Variants in IPCEF1 observed in about 807,000 individuals in gnomAD.
IPCEF1 encodes interaction protein for cytohesin exchange factors 1.
Under a neutral mutation model 50.9 loss-of-function variants are expected in IPCEF1, and 31 were observed. The ratio of observed to expected loss-of-function variants is 0.61; its 90% CI spans 0.46 to 0.82. The LOEUF is 0.82. IPCEF1 is among the 40% of genes least tolerant of loss of function. The probability of loss-of-function intolerance (pLI) is 0.00; values close to 1 mark genes in which losing one functional copy is unlikely to be tolerated. For missense variants in IPCEF1, 458 were observed against 514.0 expected, an observed-to-expected ratio of 0.89 and a Z score of 1.05; for synonymous variants, 181 against 192.0, an observed-to-expected ratio of 0.94 and a Z score of 0.47.
chr6:154,343,665 C>T (rs1489206235), intron 1 of IPCEF1, among the ~76,000 whole-genome samples: 2 of 152,164 alleles, frequency 1.3e-5, no homozygotes, highest in Non-Finnish European at 2.9e-5. Context: ...TCACATTGAC[C>T]CAGGTGTGCT....
chr6:154,231,364 A>G (rs1779702796), intron 5 of IPCEF1, among the ~76,000 whole-genome samples: 1 of 152,260 alleles, frequency 6.6e-6, no homozygotes, highest in African/African-American at 2.4e-5. Context: ...GCAAAAATGC[A>G]CTTGCCCATT....
At chr6:154,355,784 C>G (rs574532675) in intron 1 of IPCEF1, among the ~76,000 whole-genome samples, 1 of 151,810 alleles carries the variant, frequency 6.6e-6, no homozygotes, top group African/African-American at 2.4e-5. Context: ...CCACCGCACC[C>G]GGCATTCTAT....
intron 5 of IPCEF1, among the ~76,000 whole-genome samples, chr6:154,229,345 G>C (rs897239917): frequency 2.2e-5 from 3 of 135,076 alleles, no homozygotes; most frequent in Non-Finnish European, 3.1e-5. Flanking sequence ...AAAGTTTGCC[G>C]GTTTTTTTTT....
intron 3 of IPCEF1, among the ~76,000 whole-genome samples, chr6:154,264,959 T>C (rs977952880): frequency 1.3e-5 from 2 of 152,194 alleles, no homozygotes; most frequent in African/African-American, 4.8e-5. Flanking sequence ...CATTCCAGAT[T>C]TGGCAGGAAG....
intron 5 of IPCEF1, among the ~76,000 whole-genome samples, chr6:154,244,284 CGGTGTGTGTGTG>C (rs1780839447): frequency 8.3e-6 from 1 of 120,420 alleles, no homozygotes; most frequent in South Asian, 2.7e-4. Flanking sequence ...AATTAAGATT[CGGTGTGTGTGTG>C]GGTGGGTGTG....
rs187684807 is a variant in IPCEF1, at chr6:154,168,766, C to T, written c.911-653G>A. ...GATTACAGGCACCTGCCACCATGCC[C>T]GGCTCATTTTTATATTTTTAGTACA... On this transcript the variant is annotated intron_variant, in intron 10 of 11. Transcript: ENST00000367220. This position sits in a 1 kb window ranked among gnomAD's most constrained non-coding sequence, Gnocchi z 4.1. 8.6e-5 allele frequency among the ~76,000 whole-genome samples: 13 copies of T among 151,944 alleles called. No homozygotes were observed. Among genetic ancestry groups the T allele is most frequent in the East Asian group, 7.8e-4 (4 of 5,122 alleles).
At chr6:154,256,557 C>G (rs1162700617) in intron 3 of IPCEF1, among the ~76,000 whole-genome samples, 1 of 136,930 alleles carries the variant, frequency 7.3e-6, no homozygotes, top group Non-Finnish European at 1.6e-5. Flanking sequence ...CTCTCTCTCT[C>G]TCTCTCTGTG....
chr6:154,238,068 C>A (rs1042496485), intron 5 of IPCEF1, among the ~76,000 whole-genome samples: 2 of 152,082 alleles, frequency 1.3e-5, no homozygotes, highest in African/African-American at 4.8e-5. Flanking sequence ...TTACAGCCAT[C>A]AGAAATGATG....
At chr6:154,257,220 A>G (rs1781482843) in intron 3 of IPCEF1, among the ~76,000 whole-genome samples, 1 of 152,134 alleles carries the variant, frequency 6.6e-6, no homozygotes, top group Non-Finnish European at 1.5e-5. Context: ...TCAGGCAGTG[A>G]TTTGGCAACT....
intron 2 of IPCEF1, among the ~76,000 whole-genome samples, chr6:154,273,705 T>TC (rs67158778): frequency 0.15 from 3,878 of 26,386 alleles, 444 homozygotes; most frequent in East Asian, 0.33. Context: ...TTTTTCTTTT[T>TC]TTCTTTCTTT....
chr6:154,247,251 C>A, intron 4 of IPCEF1, 198 bp downstream of exon 4: 1 of 558,536 alleles, frequency 1.8e-6, no homozygotes, highest in Non-Finnish European at 3.2e-6. Flanking sequence ...TGACATACCA[C>A]GAGGGATTAA....
At chr6:154,206,812 C>T (rs575083816) in intron 9 of IPCEF1, among the ~76,000 whole-genome samples, 5 of 152,266 alleles carry the variant, frequency 3.3e-5, no homozygotes, top group Admixed American at 2.0e-4. Context: ...CCTACAGGTA[C>T]GAGGGCAGGA....
At chr6:154,351,333 A>T (rs998970103) in intron 1 of IPCEF1, among the ~76,000 whole-genome samples, 3 of 152,120 alleles carry the variant, frequency 2.0e-5, no homozygotes, top group African/African-American at 7.2e-5. Context: ...ACTACCCAGG[A>T]ATGGTTCTGA....
At chr6:154,203,720 C>G (rs938532865) in intron 9 of IPCEF1, among the ~76,000 whole-genome samples, 1 of 152,082 alleles carries the variant, frequency 6.6e-6, no homozygotes, top group African/African-American at 2.4e-5. Flanking sequence ...TGATGAGCTA[C>G]CTGAGAACAG....
At chr6:154,269,828 C>T (rs779828129) in intron 2 of IPCEF1, among the ~76,000 whole-genome samples, 13 of 152,154 alleles carry the variant, frequency 8.5e-5, no homozygotes, top group Non-Finnish European at 1.3e-4. Context: ...GACTCATGTA[C>T]GTACTTTTGA....
intron 5 of IPCEF1, among the ~76,000 whole-genome samples, chr6:154,241,022 G>C (rs575529024): frequency 8.5e-4 from 129 of 152,128 alleles, no homozygotes; most frequent in African/African-American, 3.1e-3. Flanking sequence ...CAAATCATGA[G>C]GTCAAGAGAT....
chr6:154,222,828 A>G (rs980284998), intron 6 of IPCEF1: 1 of 306,400 alleles, frequency 3.3e-6, no homozygotes, highest in Non-Finnish European at 6.3e-6. Flanking sequence ...GGTGAGTCCT[A>G]TTTAACTGCT....
chr6:154,317,207 T>A (rs1387266336), intron 1 of IPCEF1, among the ~76,000 whole-genome samples: 1 of 152,032 alleles, frequency 6.6e-6, no homozygotes, highest in Non-Finnish European at 1.5e-5. Context: ...CTAGAATACA[T>A]AAAGAATTCC....
At chr6:154,214,146 T>G in intron 8 of IPCEF1, 72 bp downstream of exon 8, 1 of 982,570 alleles carries the variant, frequency 1.0e-6, no homozygotes, top group South Asian at 1.3e-5. Context: ...GAACTTGACA[T>G]TGTTTTTTCA....
Sources: gnomAD v4.1 joint callset for allele counts (sites outside exome capture counted in the v4.1 genomes callset) on GRCh38, gnomAD v4.1.1 for gene constraint, Gnocchi (gnomAD v3.1) non-coding constraint, MANE v1.5 for transcripts, NCBI Gene and HGNC (gene_info 2026-07-23, HGNC 2026-07-21) for gene names.